The following SRL variants were observed in gnomAD, a reference collection of about 807,000 sequenced individuals.
The protein encoded by SRL is sarcalumenin.
Under a neutral mutation model 39.5 loss-of-function variants are expected in SRL, and 23 were observed. The ratio of observed to expected loss-of-function variants is 0.58; its 90% CI spans 0.42 to 0.82. SRL has a LOEUF of 0.82. Ranked by LOEUF, SRL falls within the 40% of genes least tolerant of loss-of-function variation. SRL has a pLI of 0.00. For synonymous variants in SRL, 272 were observed against 237.4 expected, an observed-to-expected ratio of 1.15 and a Z score of -1.34; for missense variants, 592 against 607.8, an observed-to-expected ratio of 0.97 and a Z score of 0.27.
intron 1 of SRL, among the ~76,000 whole-genome samples, chr16:4,211,625 G>C (rs1410858334): frequency 1.4e-5 from 2 of 143,954 alleles, no homozygotes; most frequent in African/African-American, 5.2e-5. Context: ...GATGAGGGTC[G>C]TGATGATGAT....
intron 1 of SRL, among the ~76,000 whole-genome samples, chr16:4,218,776 G>A (rs1319432738): frequency 6.6e-6 from 1 of 152,216 alleles, no homozygotes; most frequent in Admixed American, 6.5e-5. Context: ...TCCTACAACT[G>A]CCAGGAAGAC....
chr16:4,195,797 G>A lies in SRL; in HGVS notation c.377-11C>T, dbSNP rs769785765. On this transcript the variant is annotated splice_polypyrimidine_tract_variant and intron_variant, in intron 4 of 5. Coordinates refer to ENST00000399609, the MANE Select transcript of SRL (RefSeq NM_001098814.2). Reference sequence around the variant, plus strand: ...TGGTGGGTTCAGCGCCTGGGCACACGGGGTGAGAGGTGAAGGAATACATGA... The same window carrying A: ...TGGTGGGTTCAGCGCCTGGGCACACAGGGTGAGAGGTGAAGGAATACATGA... 2.2e-5 allele frequency: 35 copies of A among 1,605,108 alleles called. No homozygotes were observed. Among genetic ancestry groups the A allele is most frequent in the South Asian group, 5.5e-5 (5 of 90,614 alleles).
Position 4,228,732 on chromosome 16 carries a change from C to A in SRL, c.61+13275G>T, listed in dbSNP as rs529729481. 7.8e-3 allele frequency among the ~76,000 whole-genome samples: 1,176 copies of A among 150,124 alleles called. 12 individuals are homozygous for A. Among genetic ancestry groups the A allele is most frequent in the African/African-American group, 0.027 (1,111 of 40,740 alleles). On this transcript the variant is annotated intron_variant, in intron 1 of 5. Coordinates refer to ENST00000399609, the MANE Select transcript of SRL (RefSeq NM_001098814.2). ...CCTGGGTGACAGAGCAAGACTCCGTCTCAAAAAAAAAAGAAAAAAAGAAAG... is the reference window on the plus strand; with the variant it reads ...CCTGGGTGACAGAGCAAGACTCCGTATCAAAAAAAAAAGAAAAAAAGAAAG...
At chr16:4,218,862 A>C (rs1304264113) in intron 1 of SRL, among the ~76,000 whole-genome samples, 1 of 152,258 alleles carries the variant, frequency 6.6e-6, no homozygotes, top group Non-Finnish European at 1.5e-5. Flanking sequence ...GAGCTAGGGC[A>C]GCAAGAATAC....
At chr16:4,204,281 T>C (rs988510580) in intron 2 of SRL, among the ~76,000 whole-genome samples, 4 of 152,194 alleles carry the variant, frequency 2.6e-5, no homozygotes, top group Non-Finnish European at 4.4e-5. Flanking sequence ...TCTACTTGGA[T>C]GGCCCTTCCT....
chr16:4,209,676 C>T (rs1470516210), intron 1 of SRL, among the ~76,000 whole-genome samples: 1 of 152,224 alleles, frequency 6.6e-6, no homozygotes, highest in East Asian at 1.9e-4. Flanking sequence ...TGTTGTCGAA[C>T]TCAGAAAGAT....
intron 1 of SRL, among the ~76,000 whole-genome samples, chr16:4,235,193 G>A (rs7186315): frequency 0.011 from 1,666 of 152,278 alleles, 30 homozygotes; most frequent in African/African-American, 0.038. Flanking sequence ...GACAGGTGAG[G>A]CCAGGGGCGA....
chr16:4,204,481 C>G (rs892316149), intron 2 of SRL, 52 bp downstream of exon 2: 8 of 1,550,798 alleles, frequency 5.2e-6, no homozygotes, highest in Non-Finnish European at 7.1e-6. Flanking sequence ...TCTGCCCGGG[C>G]CCTGGTGGCC....
At chr16:4,238,575 C>A (rs192079575) in intron 1 of SRL, among the ~76,000 whole-genome samples, 17 of 152,170 alleles carry the variant, frequency 1.1e-4, no homozygotes, top group Admixed American at 5.2e-4. Flanking sequence ...TAGGAAAAAA[C>A]CAGCAGTTCC....
At chr16:4,216,254 A>C (rs982864094) in intron 1 of SRL, among the ~76,000 whole-genome samples, 4 of 151,796 alleles carry the variant, frequency 2.6e-5, no homozygotes, top group African/African-American at 9.7e-5. Context: ...ATTCACTTTT[A>C]TTTTATTTTA....
At chr16:4,230,806 G>A (rs1857915535) in intron 1 of SRL, among the ~76,000 whole-genome samples, 1 of 152,118 alleles carries the variant, frequency 6.6e-6, no homozygotes, top group Admixed American at 6.5e-5. Context: ...GATGAGGAGA[G>A]GACACAGGGA....
intron 3 of SRL, among the ~76,000 whole-genome samples, chr16:4,202,550 G>A (rs1321499825): frequency 2.0e-5 from 3 of 150,678 alleles, no homozygotes; most frequent in Admixed American, 6.6e-5. Context: ...CCGAGATTGC[G>A]CCACTGCACT....
chr16:4,221,938 A>T (rs944277855), intron 1 of SRL, among the ~76,000 whole-genome samples: 1 of 152,278 alleles, frequency 6.6e-6, no homozygotes, highest in African/African-American at 2.4e-5. Flanking sequence ...ACACCTTCAT[A>T]TTGGATTTAT....
intron 1 of SRL, among the ~76,000 whole-genome samples, chr16:4,234,690 G>C (rs540399097): frequency 6.6e-6 from 1 of 152,180 alleles, no homozygotes; most frequent in South Asian, 2.1e-4. Flanking sequence ...CCCAGCTAGG[G>C]ATGAGCACAG....
chr16:4,226,911 AATGG>A (rs1395971946), intron 1 of SRL, among the ~76,000 whole-genome samples: 9 of 146,114 alleles, frequency 6.2e-5, no homozygotes, highest in Non-Finnish European at 1.5e-5. Context: ...TGAATGGATG[AATGG>A]ATGGATGGAA....
intron 3 of SRL, among the ~76,000 whole-genome samples, chr16:4,198,317 T>C (rs1295486292): frequency 6.6e-6 from 1 of 152,192 alleles, no homozygotes; most frequent in Non-Finnish European, 1.5e-5. Flanking sequence ...GAGCAGCTTG[T>C]ATAATCTTGG....
At chr16:4,207,139 C>T (rs1158308844) in intron 1 of SRL, 1 of 456,748 alleles carries the variant, frequency 2.2e-6, no homozygotes, top group Non-Finnish European at 4.4e-6. Flanking sequence ...CCCTCTGCTT[C>T]TTCTGAGCTA....
intron 1 of SRL, among the ~76,000 whole-genome samples, chr16:4,230,282 G>A (rs2052644545): frequency 1.3e-5 from 2 of 152,090 alleles, no homozygotes; most frequent in East Asian, 1.9e-4. Context: ...CAAGGAAACA[G>A]GTACCCCCTC....
At chr16:4,209,580 G>A (rs2052367319) in intron 1 of SRL, among the ~76,000 whole-genome samples, 1 of 152,096 alleles carries the variant, frequency 6.6e-6, no homozygotes, top group Admixed American at 6.5e-5. Flanking sequence ...CTCCCTCAGG[G>A]TACCCACCCT....
Sources: gnomAD v4.1 joint callset for allele counts (sites outside exome capture counted in the v4.1 genomes callset) on GRCh38, gnomAD v4.1.1 for gene constraint, MANE v1.5 for transcripts, NCBI Gene and HGNC (gene_info 2026-07-23, HGNC 2026-07-21) for gene names.